The following GALNT13 variants were observed in gnomAD, a reference collection of about 807,000 sequenced individuals.
GALNT13 encodes polypeptide N-acetylgalactosaminyltransferase 13.
A neutral mutation model predicts 64.2 loss-of-function variants in GALNT13; 28 were observed. The ratio of observed to expected loss-of-function variants is 0.44; its 90% CI spans 0.32 to 0.60. GALNT13 has a LOEUF of 0.60. GALNT13 is among the 20% of genes least tolerant of loss of function. The pLI is 0.05. For missense variants in GALNT13, 577 were observed against 669.8 expected (o/e 0.86, Z 1.53); for synonymous variants, 214 against 224.6 (o/e 0.95, Z 0.42).
At chr2:153,236,666 A>T in the GALNT13 span, among the ~76,000 whole-genome samples, 35 of 152,234 alleles carry the variant, frequency 2.3e-4, no homozygotes, top group African/African-American at 8.2e-4. Flanking sequence ...GCTTAGAAAA[A>T]AAATATTCCT....
At chr2:153,889,591 A>T (rs969325465) in intron 1 of GALNT13, among the ~76,000 whole-genome samples, 1 of 152,034 alleles carries the variant, frequency 6.6e-6, no homozygotes, top group African/African-American at 2.4e-5. Context: ...ACTATAATTC[A>T]CTAAATACCG....
chr2:154,046,677 C>T (rs1166768977), intron 3 of GALNT13, among the ~76,000 whole-genome samples: 2 of 152,128 alleles, frequency 1.3e-5, no homozygotes, highest in Non-Finnish European at 2.9e-5. Context: ...AAAGATGTGA[C>T]TGCTTTACTA....
At position 154,211,954 on chromosome 2, in the gene GALNT13, T is replaced by A. The variant is rs553449605; in HGVS notation, c.312-30076T>A. Among the ~76,000 whole-genome samples the A allele has an allele frequency of 4.2e-4, 64 of 152,018 alleles. 1 individual carries two copies. The highest frequency in any genetic ancestry group is 8.2e-4 in the Non-Finnish European group (56 of 67,962). ...TCATTTCCCACAGAGAAAGGGTAGG[T>A]CAAGAAGGCTGTGAGAAAGGAGTGG... is the stretch of plus-strand genomic sequence containing the variant. On this transcript the variant is annotated intron_variant, in intron 4 of 12. Coordinates refer to ENST00000392825, the MANE Select transcript of GALNT13 (RefSeq NM_052917.4).
the GALNT13 span, among the ~76,000 whole-genome samples, chr2:153,485,906 CA>C: frequency 6.6e-6 from 1 of 152,116 alleles, no homozygotes; most frequent in Non-Finnish European, 1.5e-5. Flanking sequence ...TCTTAAAAAA[CA>C]AACAAAAAAG....
At chr2:153,416,281 C>T in the GALNT13 span, among the ~76,000 whole-genome samples, 3 of 152,300 alleles carry the variant, frequency 2.0e-5, no homozygotes, top group South Asian at 2.1e-4. Context: ...CACAGTGTCT[C>T]ATAGGTCTCT....
At chr2:153,112,914 C>A in the GALNT13 span, among the ~76,000 whole-genome samples, 3 of 151,946 alleles carry the variant, frequency 2.0e-5, no homozygotes, top group Admixed American at 2.0e-4. Context: ...AATCTAAGAG[C>A]TTTTTTCTCA....
intron 4 of GALNT13, among the ~76,000 whole-genome samples, chr2:154,159,049 A>G (rs1227924189): frequency 6.6e-6 from 1 of 152,030 alleles, no homozygotes. Flanking sequence ...ATGAATAAGG[A>G]AATAAAACAT....
the GALNT13 span, among the ~76,000 whole-genome samples, chr2:153,149,051 T>G: frequency 2.0e-5 from 3 of 151,880 alleles, no homozygotes; most frequent in Non-Finnish European, 4.4e-5. Flanking sequence ...GATCTAATGA[T>G]GTGGGACATG....
the GALNT13 span, among the ~76,000 whole-genome samples, chr2:153,293,860 C>A: frequency 6.6e-6 from 1 of 151,770 alleles, no homozygotes; most frequent in African/African-American, 2.4e-5. Flanking sequence ...GGTGCAATCA[C>A]GGCTCACTGC....
At chr2:153,151,195 G>A in the GALNT13 span, among the ~76,000 whole-genome samples, 4 of 151,982 alleles carry the variant, frequency 2.6e-5, no homozygotes, top group South Asian at 8.3e-4. Flanking sequence ...TCCCTTGTAA[G>A]TTGGATTTTT....
At chr2:153,612,753 T>G in the GALNT13 span, among the ~76,000 whole-genome samples, 1 of 152,176 alleles carries the variant, frequency 6.6e-6, no homozygotes, top group Admixed American at 6.6e-5. Flanking sequence ...TTATAATGGC[T>G]AAAGTGAGAA....
chr2:154,087,214 A>T (rs13001746), intron 3 of GALNT13, among the ~76,000 whole-genome samples: 1 of 151,680 alleles, frequency 6.6e-6, no homozygotes, highest in South Asian at 2.1e-4. Context: ...AAAAGATCAG[A>T]CTCTTAGGCC....
the GALNT13 span, among the ~76,000 whole-genome samples, chr2:153,548,475 T>C: frequency 6.6e-6 from 1 of 152,130 alleles, no homozygotes. Context: ...ACGTGAGTAG[T>C]AGAGTGTGCA....
chr2:154,385,238 A>G (rs566865278), intron 9 of GALNT13, among the ~76,000 whole-genome samples: 1 of 152,074 alleles, frequency 6.6e-6, no homozygotes, highest in Admixed American at 6.6e-5. Context: ...TGCACACTGA[A>G]ATCTTCTGGC....
At chr2:153,306,555 T>G in the GALNT13 span, among the ~76,000 whole-genome samples, 1 of 152,230 alleles carries the variant, frequency 6.6e-6, no homozygotes, top group Admixed American at 6.5e-5. Flanking sequence ...ATTAGCTATA[T>G]GCTTGTTTAC....
the GALNT13 span, among the ~76,000 whole-genome samples, chr2:153,674,443 A>G: frequency 6.6e-6 from 1 of 152,216 alleles, no homozygotes; most frequent in African/African-American, 2.4e-5. Flanking sequence ...CAAAAAAAGC[A>G]ATGGAGAAAG....
intron 11 of GALNT13, among the ~76,000 whole-genome samples, chr2:154,438,143 C>T (rs903055404): frequency 2.2e-4 from 34 of 152,016 alleles, no homozygotes; most frequent in Admixed American, 2.0e-3. Flanking sequence ...AAAACTTACA[C>T]GATGTACTTA....
the GALNT13 span, among the ~76,000 whole-genome samples, chr2:153,404,487 T>A: frequency 6.6e-6 from 1 of 151,842 alleles, no homozygotes; most frequent in Non-Finnish European, 1.5e-5. Flanking sequence ...CTTTCTAATT[T>A]CACCTAATTG....
At chr2:153,978,686 G>A (rs1287376524) in intron 3 of GALNT13, among the ~76,000 whole-genome samples, 1 of 152,166 alleles carries the variant, frequency 6.6e-6, no homozygotes, top group East Asian at 1.9e-4. Context: ...TGTGGAACTT[G>A]AAGTCCAATT....
Sources: allele counts gnomAD v4.1 joint callset (sites outside exome capture counted in the v4.1 genomes callset), GRCh38; gene constraint gnomAD v4.1.1; transcripts MANE v1.5; gene names NCBI Gene and HGNC (gene_info 2026-07-23, HGNC 2026-07-21).